Variants in ANK2 observed in about 807,000 individuals in gnomAD.
The protein encoded by ANK2 is ankyrin 2, also known as ankyrin-2.
ANK2 carries 83 observed loss-of-function variants against 360.5 expected under a neutral mutation model. The ratio of observed to expected loss-of-function variants is 0.23; its 90% CI spans 0.19 to 0.28. The LOEUF is 0.28. ANK2 is among the 10% of genes least tolerant of loss of function. The pLI is 1.00. For missense variants in ANK2, 4,201 were observed against 4,795.7 expected (o/e 0.88, Z 3.66); for synonymous variants, 1,740 against 1,759.5 (o/e 0.99, Z 0.28).
At chr4:112,945,681 C>G (rs1337799755) in intron 2 of ANK2, among the ~76,000 whole-genome samples, 1 of 152,154 alleles carries the variant, frequency 6.6e-6, no homozygotes, top group Non-Finnish European at 1.5e-5. Context: ...AGGACACCAC[C>G]CCTGCCAAGA....
At chr4:113,221,647 A>C (rs1376289822) in intron 4 of ANK2, among the ~76,000 whole-genome samples, 1 of 151,114 alleles carries the variant, frequency 6.6e-6, no homozygotes, top group African/African-American at 2.4e-5. Flanking sequence ...GGACAGAGTG[A>C]GACTCCACTT....
chr4:113,156,742 C>T (rs1342238384), intron 1 of ANK2, among the ~76,000 whole-genome samples: 2 of 150,832 alleles, frequency 1.3e-5, no homozygotes, highest in East Asian at 1.9e-4. Flanking sequence ...GGTTGCTAAC[C>T]GTAATTTTGT....
intron 45 of ANK2, among the ~76,000 whole-genome samples, chr4:113,378,772 G>A (rs1394867133): frequency 6.6e-6 from 1 of 152,094 alleles, no homozygotes; most frequent in African/African-American, 2.4e-5. Context: ...TTATACAAGG[G>A]GGCTGACTGT....
intron 1 of ANK2, among the ~76,000 whole-genome samples, chr4:113,089,805 CAA>C (rs1561979641): frequency 1.3e-5 from 2 of 151,778 alleles, no homozygotes; most frequent in African/African-American, 4.8e-5. Context: ...GCCTAGGTAA[CAA>C]GAGCGAATCT....
At chr4:112,831,237 G>T (rs1196044659) in intron 1 of ANK2, among the ~76,000 whole-genome samples, 1 of 152,258 alleles carries the variant, frequency 6.6e-6, no homozygotes, top group Non-Finnish European at 1.5e-5. Flanking sequence ...CGGCCCTGGT[G>T]CAGGATCCAC....
chr4:112,900,510 A>T (rs1353510579), intron 1 of ANK2, among the ~76,000 whole-genome samples: 1 of 152,170 alleles, frequency 6.6e-6, no homozygotes, highest in East Asian at 1.9e-4. Flanking sequence ...GTATTTCTTG[A>T]TAGACACGGG....
chr4:113,186,635 A>G (rs926856686), intron 2 of ANK2, among the ~76,000 whole-genome samples: 4 of 143,750 alleles, frequency 2.8e-5, no homozygotes, highest in African/African-American at 1.0e-4. Context: ...CTCTGTATTG[A>G]TGATTGTAAA....
At chr4:112,967,354 C>T (rs2037676381) in intron 2 of ANK2, among the ~76,000 whole-genome samples, 1 of 152,208 alleles carries the variant, frequency 6.6e-6, no homozygotes, top group Non-Finnish European at 1.5e-5. Flanking sequence ...GGAAGTTAAA[C>T]TACTTTCCCA....
At chr4:112,758,295 AT>A in the ANK2 span, among the ~76,000 whole-genome samples, 1 of 152,138 alleles carries the variant, frequency 6.6e-6, no homozygotes, top group African/African-American at 2.4e-5. Context: ...TTTATAGTCA[AT>A]TGTAAAATTT....
At chr4:113,289,195 T>C (rs2066267476) in intron 20 of ANK2, among the ~76,000 whole-genome samples, 1 of 150,804 alleles carries the variant, frequency 6.6e-6, no homozygotes, top group Non-Finnish European at 1.5e-5. Context: ...TTTAAGTTCA[T>C]ATATCAGAAA....
chr4:113,114,619 C>T (rs1293754934), intron 1 of ANK2, among the ~76,000 whole-genome samples: 2 of 151,968 alleles, frequency 1.3e-5, no homozygotes, highest in Admixed American at 6.6e-5. Context: ...TATAATTTTC[C>T]TGGCATTAGA....
chr4:113,049,925 A>C, intron 1 of ANK2, 113 bp downstream of exon 1: 1 of 1,310,340 alleles, frequency 7.6e-7, no homozygotes, highest in South Asian at 1.2e-5. Flanking sequence ...GTAACTGTAG[A>C]CGATAACAGT....
intron 1 of ANK2, among the ~76,000 whole-genome samples, chr4:113,073,660 A>T (rs1194060383): frequency 6.6e-6 from 1 of 152,188 alleles, no homozygotes; most frequent in East Asian, 1.9e-4. Context: ...CATTGCCAGG[A>T]GATTCTCCCT....
Position 113,088,336 on chromosome 4 carries a change from G to A in ANK2, c.84+38524G>A, listed in dbSNP as rs184166929. Among the ~76,000 whole-genome samples, 4 of 152,268 alleles carry A rather than the reference G, an allele frequency of 2.6e-5. No homozygotes were observed. In the East Asian group the frequency reaches 7.7e-4, roughly 29 times the overall value. The stretch of plus-strand genomic sequence containing the variant: ...CTGGCAATAGTCACAGTTCATTTGG[G>A]AATGGGCAAGGGGACAAGCTGGGGA... On this transcript the variant is annotated intron_variant, in intron 1 of 45. Coordinates refer to ENST00000357077, the MANE Select transcript of ANK2 (RefSeq NM_001148.6).
intron 1 of ANK2, among the ~76,000 whole-genome samples, chr4:112,854,888 G>A (rs1229545984): frequency 1.3e-5 from 2 of 151,896 alleles, no homozygotes; most frequent in Non-Finnish European, 2.9e-5. Context: ...AGGGAGGGTG[G>A]TATGATTTAA....
At chr4:112,855,127 T>C (rs1326135964) in intron 1 of ANK2, among the ~76,000 whole-genome samples, 1 of 152,194 alleles carries the variant, frequency 6.6e-6, no homozygotes, top group Non-Finnish European at 1.5e-5. Context: ...TTGTGACAAT[T>C]AAATGCTTGG....
the ANK2 span, among the ~76,000 whole-genome samples, chr4:112,809,108 C>A: frequency 6.6e-6 from 1 of 151,794 alleles, no homozygotes. Context: ...ATCCACCCAC[C>A]TCAGCCTCCC....
intron 1 of ANK2, among the ~76,000 whole-genome samples, chr4:112,826,092 C>T (rs969696151): frequency 1.3e-5 from 2 of 152,196 alleles, no homozygotes; most frequent in African/African-American, 4.8e-5. Context: ...TGAATCCCAT[C>T]ACTGCTAAAT....
At chr4:113,338,792 G>A (rs191634915) in intron 31 of ANK2, among the ~76,000 whole-genome samples, 339 of 151,908 alleles carry the variant, frequency 2.2e-3, no homozygotes, top group Non-Finnish European at 3.5e-3. Context: ...CTTGTGACCC[G>A]CCCACCTCAG....
Sources: gnomAD v4.1 joint callset for allele counts (sites outside exome capture counted in the v4.1 genomes callset) on GRCh38, gnomAD v4.1.1 for gene constraint, MANE v1.5 for transcripts, NCBI Gene and HGNC (gene_info 2026-07-23, HGNC 2026-07-21) for gene names.